Variants in RAB3B observed in about 807,000 individuals in gnomAD.
The protein encoded by RAB3B is RAB3B, member RAS oncogene family.
Under a neutral mutation model 20.5 loss-of-function variants are expected in RAB3B, and 11 were observed. The ratio of observed to expected loss-of-function variants is 0.54; its 90% confidence interval spans 0.34 to 0.89. The LOEUF (loss-of-function observed/expected upper bound fraction) is 0.89. Among genes scored for constraint, RAB3B ranks in the 40% least tolerant of loss-of-function variants. The pLI is 0.02. For missense variants in RAB3B, 225 were observed against 280.9 expected, an observed-to-expected ratio of 0.80 and a Z score of 1.42; for synonymous variants, 99 against 106.3, an observed-to-expected ratio of 0.93 and a Z score of 0.42.
chr1:51,923,362 C>A (rs1040696602), intron 4 of RAB3B, among the ~76,000 whole-genome samples: 1 of 152,050 alleles, frequency 6.6e-6, no homozygotes, highest in Non-Finnish European at 1.5e-5. Context: ...GAGGGAGAGG[C>A]TGGCAGGGAA....
rs1361688474 is a variant in RAB3B, at chr1:51,909,235, T to C, written c.*10692A>G. ...GGAGCTGAAAGAAGGAGGGGATCCTTGGAAAGGGCTCTGAGAGGGGTGTAT... is the reference window on the plus strand; with the variant it reads ...GGAGCTGAAAGAAGGAGGGGATCCTCGGAAAGGGCTCTGAGAGGGGTGTAT... On this transcript the variant is annotated 3_prime_UTR_variant, in exon 5 of 5. Coordinates refer to ENST00000371655, the MANE Select transcript of RAB3B (RefSeq NM_002867.4). 1 of 151,224 alleles carries C rather than the reference T, an allele frequency of 6.6e-6. No homozygotes were observed. Among genetic ancestry groups the C allele is most frequent in the Admixed American group, 6.6e-5 (1 of 15,198 alleles). 9.4% of individuals were successfully genotyped at this position (151,224 alleles called of 1,614,324 possible).
chr1:51,912,596 TATATAAA>T lies in RAB3B; in HGVS notation c.*7324_*7330del, dbSNP rs1684021296. ...ATATATATATATATATATATATATA[TATATAAA>T]AAATGTTACTCCTGTGAGACAGAAT... On this transcript the variant is annotated 3_prime_UTR_variant, in exon 5 of 5. Coordinates refer to ENST00000371655, the MANE Select transcript of RAB3B (RefSeq NM_002867.4). The T allele has an allele frequency of 2.8e-5, 1 of 36,320 alleles. No individual in the cohort carries two copies. Among genetic ancestry groups the T allele is most frequent in the African/African-American group, 1.0e-4 (1 of 10,006 alleles). The allele number at this position is 36,320 out of a possible 1,614,324, so 2.2% of individuals were successfully genotyped here.
chr1:51,956,853 T>C (rs969833115), intron 2 of RAB3B, among the ~76,000 whole-genome samples: 1 of 152,194 alleles, frequency 6.6e-6, no homozygotes, highest in African/African-American at 2.4e-5. Flanking sequence ...ATACTTATTT[T>C]ACAGATAAAG....
chr1:51,925,325 C>G (rs1201163763), intron 4 of RAB3B, among the ~76,000 whole-genome samples: 1 of 152,216 alleles, frequency 6.6e-6, no homozygotes, highest in Non-Finnish European at 1.5e-5. Context: ...TGTTTTCATT[C>G]TCTGGAACTT....
At chr1:51,990,347 C>T (rs2124327284) in intron 1 of RAB3B, among the ~76,000 whole-genome samples, 1 of 145,106 alleles carries the variant, frequency 6.9e-6, no homozygotes, top group East Asian at 2.1e-4. Context: ...CCCGGCTGCC[C>T]CCAACGTCTG....
intron 2 of RAB3B, among the ~76,000 whole-genome samples, chr1:51,943,169 A>G (rs1684517549): frequency 6.6e-6 from 1 of 152,122 alleles, no homozygotes; most frequent in South Asian, 2.1e-4. Flanking sequence ...GGACCACTTG[A>G]GGTCAGGAGG....
chr1:51,971,248 AT>A (rs910980375), intron 2 of RAB3B, among the ~76,000 whole-genome samples: 1 of 151,662 alleles, frequency 6.6e-6, no homozygotes, highest in Admixed American at 6.6e-5. Context: ...AAAAAAAAAA[AT>A]CACAAAACTT....
intron 1 of RAB3B, among the ~76,000 whole-genome samples, chr1:51,979,591 A>T (rs112914572): frequency 0.036 from 5,462 of 152,078 alleles, 122 homozygotes; most frequent in Non-Finnish European, 0.043. Flanking sequence ...TTTTCTACAT[A>T]AAAACAAGGG....
chr1:51,949,116 C>T (rs1183854446), intron 2 of RAB3B, among the ~76,000 whole-genome samples: 1 of 152,236 alleles, frequency 6.6e-6, no homozygotes, highest in East Asian at 1.9e-4. Context: ...GGCTTCCCTG[C>T]TAGTTCCTTT....
At position 51,913,819 on chromosome 1, in the gene RAB3B, C is replaced by T. The variant is rs1684042794; in HGVS notation, c.*6108G>A. On this transcript the variant is annotated 3_prime_UTR_variant, in exon 5 of 5. Transcript: ENST00000371655. ...TGGACTTGGCCATGGAACTTGTGTT[C>T]ATCAGTGAGACATTGGCAAATGTGA... The T allele has an allele frequency of 6.6e-6, 1 of 152,144 alleles. No homozygotes were observed. Among genetic ancestry groups the T allele is most frequent in the Non-Finnish European group, 1.5e-5 (1 of 68,046 alleles). 9.4% of individuals were successfully genotyped at this position (152,144 alleles called of 1,614,324 possible). A position where few individuals can be genotyped will look rare whatever the true frequency, so the allele number is the denominator to read the frequency against.
At chr1:51,976,331 A>G (rs1685008888) in intron 2 of RAB3B, among the ~76,000 whole-genome samples, 1 of 151,946 alleles carries the variant, frequency 6.6e-6, no homozygotes, top group South Asian at 2.1e-4. Context: ...ATGCCCAGCT[A>G]ATTTGTTTTA....
rs566608867 is a variant in RAB3B at position 51,939,573 on chromosome 1, C to A, written c.229-2161G>T. Among the ~76,000 whole-genome samples the A allele has an allele frequency of 4.6e-5, 7 of 152,196 alleles. No individual in the cohort carries two copies. In the South Asian group the frequency reaches 1.5e-3, roughly 32 times the overall value. On this transcript the variant is annotated intron_variant, in intron 2 of 4. Coordinates refer to ENST00000371655, the MANE Select transcript of RAB3B (RefSeq NM_002867.4). ...GAATAGCTAGGACTACAGGCGCTCG[C>A]CAGTGTACCCAGCTTTTTTTGTTTT... is the stretch of plus-strand genomic sequence containing the variant.
intron 2 of RAB3B, among the ~76,000 whole-genome samples, chr1:51,939,357 G>C (rs931480782): frequency 2.0e-5 from 3 of 152,138 alleles, no homozygotes; most frequent in African/African-American, 7.2e-5. Context: ...TTGCAGAAAG[G>C]GCAAGTGACT....
chr1:51,926,010 C>T (rs1220274771), intron 4 of RAB3B, among the ~76,000 whole-genome samples: 1 of 152,202 alleles, frequency 6.6e-6, no homozygotes, highest in Admixed American at 6.5e-5. Flanking sequence ...GGATTTCTCC[C>T]TTTGCTGCAT....
intron 1 of RAB3B, among the ~76,000 whole-genome samples, chr1:51,984,757 G>A (rs982510890): frequency 6.6e-6 from 1 of 152,124 alleles, no homozygotes; most frequent in Admixed American, 6.5e-5. Context: ...ATTCCTTGAA[G>A]TGGAATTGCT....
At chr1:51,981,784 T>C (rs549367617) in intron 1 of RAB3B, among the ~76,000 whole-genome samples, 65 of 152,296 alleles carry the variant, frequency 4.3e-4, no homozygotes, top group African/African-American at 1.4e-3. Context: ...CATGGTAACA[T>C]TGTAGCACAA....
In RAB3B at chr1:51,914,868, G is replaced by C. The variant is rs1464323929; in HGVS notation, c.*5059C>G. The C allele has an allele frequency of 6.6e-6, 1 of 152,220 alleles. No homozygotes were observed. Among genetic ancestry groups the C allele is most frequent in the African/African-American group, 2.4e-5 (1 of 41,452 alleles). 9.4% of individuals were successfully genotyped at this position (152,220 alleles called of 1,614,324 possible). A position where few individuals can be genotyped will look rare whatever the true frequency, so the allele number is the denominator to read the frequency against. ...ATACTCCAGAAAACTCGATATCCAA[G>C]CAAGGAGCTTAGTGGCCGGCAGGAG... is the stretch of plus-strand genomic sequence containing the variant. On this transcript the variant is annotated 3_prime_UTR_variant, in exon 5 of 5. Transcript: ENST00000371655.
rs755355940 is a variant in RAB3B at position 51,917,869 on chromosome 1, T to C, written c.*2058A>G. 2.0e-5 allele frequency: 3 copies of C among 152,172 alleles called. No individual in the cohort carries two copies. The highest frequency in any genetic ancestry group is 4.4e-5 in the Non-Finnish European group (3 of 68,032). The allele number at this position is 152,172 out of a possible 1,614,324, so 9.4% of individuals were successfully genotyped here. Reference sequence around the variant, plus strand: ...GCTGGATGGTCCTTTTATTTAGTCATTGGACTGGTTGCTAGTTAATTACTT... The same window carrying C: ...GCTGGATGGTCCTTTTATTTAGTCACTGGACTGGTTGCTAGTTAATTACTT... On this transcript the variant is annotated 3_prime_UTR_variant, in exon 5 of 5. Coordinates refer to ENST00000371655, the MANE Select transcript of RAB3B (RefSeq NM_002867.4).
chr1:51,937,394 G>T lies in RAB3B; in HGVS notation c.247C>A (p.Arg83=). 2 of 1,602,890 alleles carry T rather than the reference G, an allele frequency of 1.2e-6. No homozygotes were observed. The highest frequency in any genetic ancestry group is 1.7e-6 in the Non-Finnish European group (2 of 1,175,816). The part of the protein sequence containing the change: ...LQIWDTAGQE[R]YRTITTAYYR... ...TAGGCTGTTGTGATGGTCCGGTACC[G>T]CTCCTGCCCAGCTGTGTCCTGGGCA... Residue 83 remains arginine, a synonymous_variant, in exon 3 of 5, where the codon CGG becomes AGG. Transcript: ENST00000371655.
Sources: allele counts gnomAD v4.1 joint callset (sites outside exome capture counted in the v4.1 genomes callset), GRCh38; gene constraint gnomAD v4.1.1; transcripts MANE v1.5; gene names NCBI Gene and HGNC (gene_info 2026-07-23, HGNC 2026-07-21).